Variants in SLC24A2 observed in about 807,000 individuals in gnomAD.
SLC24A2 encodes the protein solute carrier family 24 member 2.
In SLC24A2, 36 loss-of-function variants were observed where a neutral mutation model predicts 62.0. That is an observed-to-expected ratio of 0.58 (90% confidence interval 0.44 to 0.77). The LOEUF (loss-of-function observed/expected upper bound fraction) is 0.77, where lower values mean the gene tolerates loss of function less well. SLC24A2 is among the 30% of genes least tolerant of loss of function. The pLI is 0.00. For synonymous variants in SLC24A2, 358 were observed against 294.0 expected, an observed-to-expected ratio of 1.22 and a Z score of -2.23; for missense variants, 846 against 817.9, an observed-to-expected ratio of 1.03 and a Z score of -0.42.
chr9:19,907,815 C>A, the SLC24A2 span, among the ~76,000 whole-genome samples: 1 of 152,136 alleles, frequency 6.6e-6, no homozygotes, highest in Non-Finnish European at 1.5e-5. Context: ...CTACAAACCA[C>A]TGCTCAATGA....
In SLC24A2 at chr9:19,632,823, C is replaced by T. The variant is rs1030570878; in HGVS notation, c.931-10524G>A. Among the ~76,000 whole-genome samples the T allele has an allele frequency of 1.3e-5, 2 of 152,136 alleles. No homozygotes were observed. Among genetic ancestry groups the T allele is most frequent in the Admixed American group, 6.6e-5 (1 of 15,266 alleles). Reference sequence around the variant, plus strand: ...ATTCAGATTTCACCAGTTATATGTGCACCTATTTGTGTTTGTGCATAGTGT... The same window carrying T: ...ATTCAGATTTCACCAGTTATATGTGTACCTATTTGTGTTTGTGCATAGTGT... On this transcript the variant is annotated intron_variant, in intron 2 of 10. Transcript: ENST00000341998. This position sits in a 1 kb window ranked among gnomAD's most constrained non-coding sequence, Gnocchi z 4.5.
the SLC24A2 span, among the ~76,000 whole-genome samples, chr9:20,212,998 C>T: frequency 1.3e-5 from 2 of 151,742 alleles, no homozygotes; most frequent in African/African-American, 4.9e-5. Context: ...GGGACGGGAA[C>T]AACACATGCT....
intron 5 of SLC24A2, 144 bp from the exon 6 acceptor site, chr9:19,577,166 C>T (rs1284816125): frequency 1.4e-6 from 1 of 735,502 alleles, no homozygotes; most frequent in Non-Finnish European, 2.5e-6. Flanking sequence ...CCAGGACCTT[C>T]CTGAAGGGTA....
At chr9:19,551,634 C>T (rs1375219180) in intron 7 of SLC24A2, among the ~76,000 whole-genome samples, 1 of 152,184 alleles carries the variant, frequency 6.6e-6, no homozygotes, top group Non-Finnish European at 1.5e-5. Flanking sequence ...ACCCCTGGGG[C>T]TCTTGCTTCC....
the SLC24A2 span, among the ~76,000 whole-genome samples, chr9:20,266,383 T>A: frequency 6.6e-6 from 1 of 152,186 alleles, no homozygotes; most frequent in Non-Finnish European, 1.5e-5. Context: ...CCTACATGAC[T>A]GTCGGGGGCA....
chr9:19,896,415 T>C, the SLC24A2 span, among the ~76,000 whole-genome samples: 1 of 152,242 alleles, frequency 6.6e-6, no homozygotes, highest in Admixed American at 6.5e-5. Context: ...AGCTTTGAAA[T>C]GCCAATTTGC....
the SLC24A2 span, among the ~76,000 whole-genome samples, chr9:20,063,956 A>G: frequency 6.6e-6 from 1 of 152,168 alleles, no homozygotes; most frequent in African/African-American, 2.4e-5. Context: ...CTTACCAAAT[A>G]ACCCAGCCAT....
the SLC24A2 span, among the ~76,000 whole-genome samples, chr9:19,877,317 A>C: frequency 1.4e-5 from 2 of 146,554 alleles, no homozygotes; most frequent in African/African-American, 5.0e-5. Context: ...ATGGAGGTCC[A>C]TAGTTTGTAT....
At chr9:19,947,489 A>G in the SLC24A2 span, among the ~76,000 whole-genome samples, 1 of 151,860 alleles carries the variant, frequency 6.6e-6, no homozygotes, top group African/African-American at 2.4e-5. Flanking sequence ...AGGAAAGAAA[A>G]CAAGAAAAGA....
chr9:19,551,908 C>T (rs181562819), intron 7 of SLC24A2, among the ~76,000 whole-genome samples: 5 of 152,232 alleles, frequency 3.3e-5, no homozygotes, highest in South Asian at 2.1e-4. Context: ...AAAAGGGATG[C>T]GAAGCCATAT....
chr9:20,166,834 C>G, the SLC24A2 span, among the ~76,000 whole-genome samples: 1 of 151,696 alleles, frequency 6.6e-6, no homozygotes, highest in African/African-American at 2.4e-5. Context: ...ACCCTAATAC[C>G]AAATGCAAAC....
At chr9:19,604,945 A>G (rs1176270487) in intron 4 of SLC24A2, among the ~76,000 whole-genome samples, 1 of 152,230 alleles carries the variant, frequency 6.6e-6, no homozygotes, top group Non-Finnish European at 1.5e-5. Context: ...TGTTCATACA[A>G]TCCTTTAAAT....
chr9:20,061,377 C>A, the SLC24A2 span, among the ~76,000 whole-genome samples: 1 of 152,066 alleles, frequency 6.6e-6, no homozygotes, highest in African/African-American at 2.4e-5. Flanking sequence ...ACCTCCGCCT[C>A]CTTGGTTCAA....
chr9:20,179,238 A>T, the SLC24A2 span, among the ~76,000 whole-genome samples: 1 of 152,118 alleles, frequency 6.6e-6, no homozygotes, highest in African/African-American at 2.4e-5. Flanking sequence ...ACAACCACTC[A>T]GGCATATTGC....
the SLC24A2 span, among the ~76,000 whole-genome samples, chr9:20,133,331 C>A: frequency 6.6e-6 from 1 of 152,054 alleles, no homozygotes; most frequent in East Asian, 1.9e-4. Flanking sequence ...TTTGGTATAA[C>A]TGATTCTTTC....
intron 6 of SLC24A2, among the ~76,000 whole-genome samples, chr9:19,576,463 G>C (rs1031566315): frequency 6.6e-6 from 1 of 152,180 alleles, no homozygotes; most frequent in Non-Finnish European, 1.5e-5. Context: ...CAGTTCAGGA[G>C]TGACCAAGTG....
At chr9:19,547,226 G>C (rs1364579560) in intron 8 of SLC24A2, among the ~76,000 whole-genome samples, 1 of 152,132 alleles carries the variant, frequency 6.6e-6, no homozygotes, top group Non-Finnish European at 1.5e-5. Flanking sequence ...GAATAGCACA[G>C]AGTACTCAGA....
chr9:20,227,985 G>C, the SLC24A2 span, among the ~76,000 whole-genome samples: 1 of 152,112 alleles, frequency 6.6e-6, no homozygotes, highest in Admixed American at 6.6e-5. Flanking sequence ...CTCCAGAATA[G>C]AATCTTCATT....
intron 7 of SLC24A2, among the ~76,000 whole-genome samples, chr9:19,555,878 G>C (rs1233130368): frequency 6.6e-6 from 1 of 152,194 alleles, no homozygotes. Context: ...CCGGGAGGCA[G>C]AGGTTGCAGT....
Sources: allele counts gnomAD v4.1 joint callset (sites outside exome capture counted in the v4.1 genomes callset), GRCh38; gene constraint gnomAD v4.1.1; non-coding constraint Gnocchi (gnomAD v3.1); transcripts MANE v1.5; gene names NCBI Gene and HGNC (gene_info 2026-07-23, HGNC 2026-07-21).